The following SORBS2 variants were observed in gnomAD, a reference collection of about 807,000 sequenced individuals.
SORBS2 encodes the protein sorbin and SH3 domain containing 2.
SORBS2 carries 46 observed loss-of-function variants against 97.7 expected under a neutral mutation model. The observed-to-expected ratio is 0.47, with a 90% CI of 0.37 to 0.60. The LOEUF (loss-of-function observed/expected upper bound fraction) is 0.60. SORBS2 is among the 20% of genes least tolerant of loss of function. The probability of loss-of-function intolerance (pLI) is 0.00; values close to 1 mark genes in which losing one functional copy is unlikely to be tolerated. For synonymous variants in SORBS2, 476 were observed against 473.4 expected (o/e 1.01, Z -0.07); for missense variants, 1,316 against 1,282.3 (o/e 1.03, Z -0.40).
At chr4:185,701,738 C>A (rs1435928743) in intron 2 of SORBS2, among the ~76,000 whole-genome samples, 3 of 150,814 alleles carry the variant, frequency 2.0e-5, no homozygotes, top group Admixed American at 6.6e-5. Context: ...AGAGGGCAAA[C>A]AATAATGGAT....
exon 9 of SORBS2, chr4:185,618,593 C>G: frequency 2.6e-6 from 4 of 1,528,238 alleles, no homozygotes; most frequent in Non-Finnish European, 3.6e-6. Flanking sequence ...ACTTAGATGT[C>G]TGAGCCTTAA....
chr4:185,774,252 G>C (rs2098988607), intron 2 of SORBS2: 1 of 152,126 alleles, frequency 6.6e-6, no homozygotes, highest in Non-Finnish European at 1.5e-5. Flanking sequence ...TGCCAGACAG[G>C]GGCCATGAAC....
Position 185,950,046 on chromosome 4 carries a change from G to C in SORBS2, c.-338+6150C>G, listed in dbSNP as rs561764010. Among the ~76,000 whole-genome samples, 127 of 152,294 alleles carry C rather than the reference G, an allele frequency of 8.3e-4. 1 individual carries two copies. The highest frequency in any genetic ancestry group is 3.0e-3 in the African/African-American group (125 of 41,560). On this transcript the variant is annotated intron_variant, in intron 1 of 20. Transcript: ENST00000284776. ...AGGCGGGCGGATCATGAGGTCAGGAGTTCGAAACCAGCCTGGCCACCATGG... is the reference window on the plus strand; with the variant it reads ...AGGCGGGCGGATCATGAGGTCAGGACTTCGAAACCAGCCTGGCCACCATGG...
chr4:185,649,491 G>A (rs2097273520), exon 3 of SORBS2: 2 of 1,588,078 alleles, frequency 1.3e-6, no homozygotes, highest in African/African-American at 2.7e-5. Flanking sequence ...CCGATCTCTT[G>A]GTCGAAGCGG....
intron 1 of SORBS2, among the ~76,000 whole-genome samples, chr4:185,810,015 A>C (rs2099173004): frequency 6.6e-6 from 1 of 152,234 alleles, no homozygotes; most frequent in African/African-American, 2.4e-5. Context: ...TTCAGCTCAT[A>C]TAGAATCCCT....
chr4:185,878,427 A>C (rs978842955), intron 1 of SORBS2, among the ~76,000 whole-genome samples: 3 of 152,008 alleles, frequency 2.0e-5, no homozygotes, highest in African/African-American at 7.2e-5. Context: ...CCTCCGCCTT[A>C]TTTCCCCATC....
In SORBS2 at chr4:185,623,506, T is replaced by C; in HGVS notation, c.1623A>G (p.Gly541=). 6.2e-7 allele frequency: 1 copy of C among 1,613,680 alleles called. No individual in the cohort carries two copies. Among genetic ancestry groups the C allele is most frequent in the Non-Finnish European group, 8.5e-7 (1 of 1,179,896 alleles). ...GGTGATGGTGGTGGTGGTGGCTGGA[T>C]CCGTAAAAGCTTTCGGAGGATGTGA... The change falls in exon 7 of 15, where the codon GGA becomes GGG. Residue 541 remains glycine, a synonymous_variant. Transcript: ENST00000418609. This position sits in a 1 kb window ranked among gnomAD's most constrained non-coding sequence, Gnocchi z 6.4.
intron 1 of SORBS2, among the ~76,000 whole-genome samples, chr4:185,818,873 T>A (rs976850575): frequency 1.3e-5 from 2 of 152,032 alleles, no homozygotes; most frequent in African/African-American, 2.4e-5. Context: ...TAAAGTAGCA[T>A]GACAAATCAT....
chr4:185,700,268 C>T (rs532557137), intron 2 of SORBS2, among the ~76,000 whole-genome samples: 17 of 151,308 alleles, frequency 1.1e-4, no homozygotes, highest in Non-Finnish European at 2.2e-4. Flanking sequence ...GCTCCAGCTG[C>T]CTCACTTTTA....
At chr4:185,900,626 G>A (rs2099247216) in intron 1 of SORBS2, among the ~76,000 whole-genome samples, 1 of 152,130 alleles carries the variant, frequency 6.6e-6, no homozygotes, top group Admixed American at 6.5e-5. Context: ...ATATAGCAAA[G>A]GCAGTGATAC....
intron 2 of SORBS2, among the ~76,000 whole-genome samples, chr4:185,753,132 A>C (rs2098811433): frequency 6.6e-6 from 1 of 152,264 alleles, no homozygotes; most frequent in Admixed American, 6.5e-5. Context: ...AAGTGCATTC[A>C]GTGCAGCTGC....
chr4:185,840,741 CA>C (rs1284950529), intron 1 of SORBS2, among the ~76,000 whole-genome samples: 2 of 152,246 alleles, frequency 1.3e-5, no homozygotes, highest in Non-Finnish European at 2.9e-5. Context: ...TTTATTCATT[CA>C]TTCAACCATT....
chr4:185,846,517 C>T (rs913706195), intron 1 of SORBS2, among the ~76,000 whole-genome samples: 2 of 152,054 alleles, frequency 1.3e-5, no homozygotes, highest in African/African-American at 4.8e-5. Flanking sequence ...ATCTGTACTC[C>T]TAAAAAAGGT....
chr4:185,879,596 A>C (rs902492127), intron 1 of SORBS2, among the ~76,000 whole-genome samples: 5 of 152,216 alleles, frequency 3.3e-5, no homozygotes, highest in Non-Finnish European at 5.9e-5. Flanking sequence ...AATCGCCACA[A>C]TGACTTCCAC....
chr4:185,787,324 G>A (rs1291655375), intron 1 of SORBS2, among the ~76,000 whole-genome samples: 6 of 152,162 alleles, frequency 3.9e-5, no homozygotes, highest in Admixed American at 3.9e-4. Context: ...AAGTGAAAAT[G>A]GTTAAGAGAG....
chr4:185,896,540 C>T (rs934280451), intron 1 of SORBS2, among the ~76,000 whole-genome samples: 9 of 152,284 alleles, frequency 5.9e-5, no homozygotes, highest in Middle Eastern at 3.4e-3. Flanking sequence ...GCCAAGATCG[C>T]GCCACTGCAC....
intron 1 of SORBS2, among the ~76,000 whole-genome samples, chr4:185,795,701 C>T (rs892203387): frequency 6.6e-5 from 10 of 152,250 alleles, no homozygotes; most frequent in African/African-American, 2.2e-4. Flanking sequence ...GCTGATAGAA[C>T]ATTAAAAATT....
intron 1 of SORBS2, among the ~76,000 whole-genome samples, chr4:185,938,065 A>G (rs973393364): frequency 7.0e-6 from 1 of 143,004 alleles, no homozygotes; most frequent in Non-Finnish European, 1.5e-5. Flanking sequence ...GCTGGAGTGC[A>G]GTGGCATGAT....
In SORBS2 at chr4:185,607,342, G is replaced by A; in HGVS notation, c.2796+4438C>T. 4 of 1,287,110 alleles carry A rather than the reference G, an allele frequency of 3.1e-6. No individual in the cohort carries two copies. Among genetic ancestry groups the A allele is most frequent in the South Asian group, 1.2e-5 (1 of 80,932 alleles). 79.7% of individuals were successfully genotyped at this position (1,287,110 alleles called of 1,614,324 possible). On this transcript the variant is annotated intron_variant, in intron 12 of 14. Coordinates refer to ENST00000418609, the Ensembl canonical transcript of SORBS2. The surrounding 1 kb of genome is among the most constrained non-coding windows in gnomAD (Gnocchi z 5.2). ...GGTGGGAGGAGGGGCTGGTTCACTGGAAGCCAACTTGGAAATGAGCACGGA... is the reference window on the plus strand; with the variant it reads ...GGTGGGAGGAGGGGCTGGTTCACTGAAAGCCAACTTGGAAATGAGCACGGA...
Sources: allele counts gnomAD v4.1 joint callset (sites outside exome capture counted in the v4.1 genomes callset), GRCh38; gene constraint gnomAD v4.1.1; non-coding constraint Gnocchi (gnomAD v3.1); transcripts MANE v1.5; gene names NCBI Gene and HGNC (gene_info 2026-07-23, HGNC 2026-07-21).